Variants in CLCA4 observed in about 807,000 individuals in gnomAD.
CLCA4 encodes the protein chloride channel accessory 4, also known as calcium-activated chloride channel regulator 4.
A neutral mutation model predicts 78.9 loss-of-function variants in CLCA4; 69 were observed. The ratio of observed to expected loss-of-function variants is 0.87; its 90% CI spans 0.72 to 1.07. CLCA4 has a LOEUF of 1.07. Among genes scored for constraint, CLCA4 ranks in the 50% least tolerant of loss-of-function variants. The probability of loss-of-function intolerance (pLI) is 0.00; values close to 1 mark genes in which losing one functional copy is unlikely to be tolerated. For synonymous variants in CLCA4, 362 were observed against 375.8 expected, an observed-to-expected ratio of 0.96 and a Z score of 0.42; for missense variants, 1,133 against 1,095.8, an observed-to-expected ratio of 1.03 and a Z score of -0.48.
chr1:86,564,884 G>T (rs982410667), intron 4 of CLCA4, among the ~76,000 whole-genome samples: 6 of 152,044 alleles, frequency 3.9e-5, no homozygotes, highest in Non-Finnish European at 7.4e-5. Context: ...TCTTTGGAAG[G>T]AAATCTACAA....
At chr1:86,549,850 T>G (rs1277884103) in intron 1 of CLCA4, among the ~76,000 whole-genome samples, 1 of 152,136 alleles carries the variant, frequency 6.6e-6, no homozygotes, top group Non-Finnish European at 1.5e-5. Context: ...TCCATGTAGA[T>G]GGAGGCAGGA....
intron 7 of CLCA4, 138 bp from the exon 8 acceptor site, chr1:86,570,939 C>A (rs1383521971): frequency 5.4e-6 from 3 of 553,736 alleles, no homozygotes; most frequent in Admixed American, 3.4e-5. Flanking sequence ...ATTGAAAATT[C>A]TTTATTTTAA....
chr1:86,574,966 G>C (rs1029957313), intron 10 of CLCA4, among the ~76,000 whole-genome samples: 1 of 152,002 alleles, frequency 6.6e-6, no homozygotes, highest in Non-Finnish European at 1.5e-5. Flanking sequence ...AGTCAAGACT[G>C]TCTGAGAAGA....
intron 1 of CLCA4, among the ~76,000 whole-genome samples, chr1:86,554,632 T>A (rs1028413608): frequency 2.0e-5 from 3 of 152,224 alleles, no homozygotes; most frequent in Non-Finnish European, 4.4e-5. Flanking sequence ...TCTTTGCTAT[T>A]GTGAATAGTG....
Position 86,579,936 on chromosome 1 carries a change from T to TC in CLCA4, c.2357-5dup, listed in dbSNP as rs747368858. On this transcript the variant is annotated splice_region_variant and splice_polypyrimidine_tract_variant and intron_variant, in intron 13 of 13. Transcript: ENST00000370563. ...CTCTAAACTACATGTAACTTTTTTT[T>TC]CTCAGTTCAACGTTATATCATAAGA... 2.7e-4 allele frequency: 413 copies of TC among 1,539,238 alleles called. No individual in the cohort carries two copies. Among genetic ancestry groups the TC allele is most frequent in the Non-Finnish European group, 3.4e-4 (391 of 1,138,822 alleles).
intron 7 of CLCA4, among the ~76,000 whole-genome samples, chr1:86,569,369 G>A (rs1430642860): frequency 6.6e-6 from 1 of 152,054 alleles, no homozygotes; most frequent in Admixed American, 6.6e-5. Context: ...TAGCAGTGGA[G>A]TTTGGCAAAT....
At chr1:86,552,089 C>T (rs1166528206) in intron 1 of CLCA4, among the ~76,000 whole-genome samples, 1 of 152,052 alleles carries the variant, frequency 6.6e-6, no homozygotes, top group Non-Finnish European at 1.5e-5. Context: ...ATGAAACACA[C>T]CAACTACAAT....
At position 86,580,209 on chromosome 1, in the gene CLCA4, T is replaced by C. The variant is rs1650670615; in HGVS notation, c.2624T>C (p.Ile875Thr). The C allele has an allele frequency of 1.9e-6, 3 of 1,554,750 alleles. No homozygotes were observed. Among genetic ancestry groups the C allele is most frequent in the African/African-American group, 3.4e-5 (2 of 58,590 alleles). The change falls in exon 14 of 14, where the codon ATT becomes ACT. Residue 875 changes from isoleucine to threonine, a missense_variant. Physicochemically the swap from Ile to Thr is moderately conservative, Grantham distance 89 (BLOSUM62 -1). Coordinates refer to ENST00000370563, the MANE Select transcript of CLCA4 (RefSeq NM_012128.4). ...ATCCCTCAAGCAAATCCTGATGACA[T>C]TGATCCTACACCTACTCCTACTCCT... is the stretch of plus-strand genomic sequence containing the variant. ...LFIPQANPDD[I>T]DPTPTPTPTP...
intron 1 of CLCA4, among the ~76,000 whole-genome samples, chr1:86,548,104 G>A (rs1444955541): frequency 6.6e-6 from 1 of 152,014 alleles, no homozygotes; most frequent in Non-Finnish European, 1.5e-5. Flanking sequence ...ATCCTTGTCA[G>A]CACTTTTTTT....
At position 86,563,715 on chromosome 1, in the gene CLCA4, A is replaced by T. The variant is rs756011754; in HGVS notation, c.503A>T (p.Tyr168Phe). ...AHLRWGVFDE[Y>F]NEDQPFYRAK... ...CTCCGGTGGGGAGTGTTTGATGAGTACAATGAAGATCAGCCTTTCTACCGT... is the reference window on the plus strand; with the variant it reads ...CTCCGGTGGGGAGTGTTTGATGAGTTCAATGAAGATCAGCCTTTCTACCGT... The change falls in exon 4 of 14, where the codon TAC (tyrosine) becomes TTC (phenylalanine). Residue 168 changes from tyrosine to phenylalanine, a missense_variant. Transcript: ENST00000370563. The T allele has an allele frequency of 1.2e-6, 2 of 1,610,848 alleles. No homozygotes were observed. The highest frequency in any genetic ancestry group is 1.3e-5 in the African/African-American group (1 of 74,838).
At chr1:86,569,808 A>C (rs1650295332) in intron 7 of CLCA4, among the ~76,000 whole-genome samples, 1 of 151,960 alleles carries the variant, frequency 6.6e-6, no homozygotes, top group African/African-American at 2.4e-5. Context: ...ATTGAACCCA[A>C]TTATTTATTA....
chr1:86,560,350 G>T lies in CLCA4; in HGVS notation c.440G>T (p.Gly147Val), dbSNP rs756534420. 10 of 1,612,444 alleles carry T rather than the reference G, an allele frequency of 6.2e-6. No individual in the cohort carries two copies. The highest frequency in any genetic ancestry group is 8.5e-6 in the Non-Finnish European group (10 of 1,179,546). The change falls in exon 3 of 14, where the codon GGA (glycine) becomes GTA (valine). Residue 147 changes from glycine to valine, a missense_variant. Transcript: ENST00000370563. Reference sequence around the variant, plus strand: ...CTTGGAAAAAAACAAAATGAATATGGACCACCAGGTAGAAATTTTGGTTAA... The same window carrying T: ...CTTGGAAAAAAACAAAATGAATATGTACCACCAGGTAGAAATTTTGGTTAA... ...LLLGKKQNEY[G>V]PPGKLFVHEW...
intron 5 of CLCA4, 84 bp downstream of exon 5, chr1:86,565,535 A>G: frequency 9.4e-7 from 1 of 1,063,456 alleles, no homozygotes; most frequent in Non-Finnish European, 1.4e-6. Context: ...AGGTGACCTG[A>G]GGATTATATA....
intron 1 of CLCA4, among the ~76,000 whole-genome samples, chr1:86,551,589 C>A (rs1477448247): frequency 6.6e-6 from 1 of 152,144 alleles, no homozygotes; most frequent in African/African-American, 2.4e-5. Flanking sequence ...TAGACTTCAG[C>A]CTTAACCTTT....
Position 86,566,024 on chromosome 1 carries a change from A to C in CLCA4, c.954+4A>C. 6.2e-7 allele frequency: 1 copy of C among 1,609,518 alleles called. No individual in the cohort carries two copies. Among genetic ancestry groups the C allele is most frequent in the East Asian group, 2.2e-5 (1 of 44,802 alleles). ...TGATAAGTCTGGAAGCATGGGGGTAAGATCACTTTTTCTGGATATAGGGAT... is the reference window on the plus strand; with the variant it reads ...TGATAAGTCTGGAAGCATGGGGGTACGATCACTTTTTCTGGATATAGGGAT... On this transcript the variant is annotated splice_donor_region_variant and intron_variant, in intron 6 of 13. Transcript: ENST00000370563.
intron 1 of CLCA4, among the ~76,000 whole-genome samples, chr1:86,548,487 G>C (rs1352820616): frequency 6.6e-6 from 1 of 151,784 alleles, no homozygotes; most frequent in African/African-American, 2.4e-5. Flanking sequence ...TCGAGACCAG[G>C]CTGGCCAACA....
At chr1:86,571,336 T>C (rs1650345693) in intron 8 of CLCA4, 82 bp downstream of exon 8, 1 of 1,396,944 alleles carries the variant, frequency 7.2e-7, no homozygotes, top group African/African-American at 1.4e-5. Flanking sequence ...GTCTCTTGAG[T>C]TTCTGCCTTG....
Position 86,571,202 on chromosome 1 carries a change from T to C in CLCA4, c.1308T>C (p.Ile436=), listed in dbSNP as rs767326216. Reference sequence around the variant, plus strand: ...AAAGTGGGGCCATTGTTCATTTTATTGCTTTGGGAAGAGCTGCTGATGAAG... The same window carrying C: ...AAAGTGGGGCCATTGTTCATTTTATCGCTTTGGGAAGAGCTGCTGATGAAG... ...VKQSGAIVHF[I]ALGRAADEAV... is the part of the protein sequence containing the mutation. The change falls in exon 8 of 14, where the codon ATT becomes ATC. Residue 436 remains isoleucine (I), a synonymous_variant. Transcript: ENST00000370563. The C allele has an allele frequency of 6.2e-7, 1 of 1,612,972 alleles. No homozygotes were observed. Among genetic ancestry groups the C allele is most frequent in the Non-Finnish European group, 8.5e-7 (1 of 1,179,212 alleles).
intron 6 of CLCA4, 55 bp downstream of exon 6, chr1:86,566,075 A>C: frequency 1.4e-6 from 2 of 1,467,600 alleles, no homozygotes; most frequent in East Asian, 2.3e-5. Flanking sequence ...ATCCGAGAAC[A>C]CACTGAACTC....
Sources: gnomAD v4.1 joint callset for allele counts (sites outside exome capture counted in the v4.1 genomes callset) on GRCh38, gnomAD v4.1.1 for gene constraint, MANE v1.5 for transcripts, NCBI Gene and HGNC (gene_info 2026-07-23, HGNC 2026-07-21) for gene names.